C13orf42: variants seen among roughly 807,000 people sequenced by gnomAD.
C13orf42 encodes the protein uncharacterized protein C13orf42.
chr13:51,088,443 C>T lies in C13orf42; in HGVS notation c.415-368G>A, dbSNP rs1016841504. Among the ~76,000 whole-genome samples, 26 of 152,056 alleles carry T rather than the reference C, an allele frequency of 1.7e-4. 1 individual carries two copies. Among genetic ancestry groups the T allele is most frequent in the Admixed American group, 3.3e-4 (5 of 15,270 alleles). On this transcript the variant is annotated intron_variant, in intron 1 of 3. Coordinates refer to ENST00000563710, the MANE Select transcript of C13orf42 (RefSeq NM_001351589.3). Reference sequence around the variant, plus strand: ...CCTTAAGTAGGTGGTGAGACGCTCACCACAGGAAAGAGATGATAGATCTCC... The same window carrying T: ...CCTTAAGTAGGTGGTGAGACGCTCATCACAGGAAAGAGATGATAGATCTCC...
At chr13:51,144,234 C>T (rs997617970) in intron 1 of C13orf42, among the ~76,000 whole-genome samples, 1 of 152,238 alleles carries the variant, frequency 6.6e-6, no homozygotes, top group East Asian at 1.9e-4. Context: ...CTAAAATGTT[C>T]ATGAGTATCA....
intron 1 of C13orf42, among the ~76,000 whole-genome samples, chr13:51,167,070 C>G (rs1414561763): frequency 6.8e-6 from 1 of 146,916 alleles, no homozygotes; most frequent in Non-Finnish European, 1.5e-5. Flanking sequence ...CAGAGTGAGA[C>G]CCCATCTCAA....
upstream of C13orf42, among the ~76,000 whole-genome samples, chr13:51,114,576 T>C (rs117305329): frequency 7.8e-3 from 1,195 of 152,284 alleles, 6 homozygotes; most frequent in Non-Finnish European, 0.012. Flanking sequence ...GGCAGAATCT[T>C]CTTTTTTAAA....
intron 1 of C13orf42, among the ~76,000 whole-genome samples, chr13:51,131,271 C>T (rs1953614527): frequency 1.3e-5 from 2 of 152,176 alleles, no homozygotes; most frequent in African/African-American, 4.8e-5. Flanking sequence ...CTTAAGGCAA[C>T]ATAGTGCAAT....
intron 1 of C13orf42, among the ~76,000 whole-genome samples, chr13:51,097,412 A>G (rs1408154713): frequency 6.6e-6 from 1 of 152,168 alleles, no homozygotes; most frequent in Non-Finnish European, 1.5e-5. Context: ...TTATACTTTT[A>G]AAGGTCACCA....
At chr13:51,108,610 GGAGT>G (rs1471419733) in intron 1 of C13orf42, among the ~76,000 whole-genome samples, 2 of 152,226 alleles carry the variant, frequency 1.3e-5, no homozygotes. Flanking sequence ...AGTGAACGCT[GGAGT>G]AAGTACCTGG....
At chr13:51,119,827 T>C (rs3926802) in intron 1 of C13orf42, among the ~76,000 whole-genome samples, 54,986 of 151,902 alleles carry the variant, frequency 0.36, 12,071 homozygotes, top group African/African-American at 0.61. Context: ...TGGAGGCGGA[T>C]GGTGGTGGCT....
At chr13:51,154,897 A>G (rs1953813379) in intron 1 of C13orf42, among the ~76,000 whole-genome samples, 1 of 152,206 alleles carries the variant, frequency 6.6e-6, no homozygotes, top group Non-Finnish European at 1.5e-5. Context: ...GGTAGAAAGC[A>G]GGCTGTGCAT....
At chr13:51,169,298 T>C (rs559871414) in intron 1 of C13orf42, among the ~76,000 whole-genome samples, 1 of 152,226 alleles carries the variant, frequency 6.6e-6, no homozygotes, top group South Asian at 2.1e-4. Flanking sequence ...CAGATGGAGA[T>C]GAGGAATTTA....
Position 51,083,960 on chromosome 13 carries a change from T to C in C13orf42, c.*191A>G, listed in dbSNP as rs1953092303. ...CGCAGAGAAACTCAAGCTCTGAGAG[T>C]GTCCTGAGACCTGTCCCCTGGGAAG... On this transcript the variant is annotated 3_prime_UTR_variant, in exon 4 of 4. Coordinates refer to ENST00000563710, the MANE Select transcript of C13orf42 (RefSeq NM_001351589.3). The C allele has an allele frequency of 2.6e-6, 1 of 383,686 alleles. No homozygotes were observed. Among genetic ancestry groups the C allele is most frequent in the African/African-American group, 2.1e-5 (1 of 48,242 alleles). The allele number at this position is 383,686 out of a possible 1,614,324, so 23.8% of individuals were successfully genotyped here.
intron 2 of C13orf42, among the ~76,000 whole-genome samples, chr13:51,086,503 T>C (rs1175369115): frequency 6.6e-6 from 1 of 150,546 alleles, no homozygotes; most frequent in African/African-American, 2.5e-5. Flanking sequence ...AGTGTGTGTG[T>C]GAGAGAGAGA....
At chr13:51,105,873 G>C (rs190564616) in intron 1 of C13orf42, among the ~76,000 whole-genome samples, 2 of 152,164 alleles carry the variant, frequency 1.3e-5, no homozygotes, top group Non-Finnish European at 2.9e-5. Flanking sequence ...ACATGATACA[G>C]AAGCTAATTC....
At chr13:51,158,675 T>C (rs556796249) in intron 1 of C13orf42, among the ~76,000 whole-genome samples, 1 of 152,214 alleles carries the variant, frequency 6.6e-6, no homozygotes. Context: ...AGGCAGCAAC[T>C]GAACACACAA....
At chr13:51,166,409 C>A (rs1206245068) in intron 1 of C13orf42, among the ~76,000 whole-genome samples, 3 of 123,744 alleles carry the variant, frequency 2.4e-5, no homozygotes, top group Non-Finnish European at 4.8e-5. Context: ...CACATGGACA[C>A]AGGAAGGGGA....
At chr13:51,122,424 C>T (rs1303442479) in intron 1 of C13orf42, among the ~76,000 whole-genome samples, 1 of 151,670 alleles carries the variant, frequency 6.6e-6, no homozygotes, top group Non-Finnish European at 1.5e-5. Context: ...ATCCCAGCTA[C>T]TCAGGAGGCT....
intron 1 of C13orf42, among the ~76,000 whole-genome samples, chr13:51,168,501 C>T (rs1336266157): frequency 6.6e-6 from 1 of 152,150 alleles, no homozygotes; most frequent in African/African-American, 2.4e-5. Flanking sequence ...CTAAGTTGCC[C>T]CATTAAAAGG....
chr13:51,128,911 G>A lies in C13orf42; in HGVS notation n.137-15689C>T, dbSNP rs534376522. On this transcript the variant is annotated intron_variant and non_coding_transcript_variant, in intron 1 of 4. Coordinates refer to the C13orf42 transcript ENST00000433280. ...GCATTAGGTCATAGGGTAAATACTA[G>A]GGACAATAGAGGCTTCCCCAGTTAA... Among the ~76,000 whole-genome samples, 32 of 152,220 alleles carry A rather than the reference G, an allele frequency of 2.1e-4. No homozygotes were observed. In the South Asian group the frequency reaches 6.6e-3, roughly 32 times the overall value.
At chr13:51,167,027 C>T (rs919477900) in intron 1 of C13orf42, among the ~76,000 whole-genome samples, 3 of 151,422 alleles carry the variant, frequency 2.0e-5, no homozygotes, top group Non-Finnish European at 2.9e-5. Flanking sequence ...TGCAGTGAGC[C>T]GAGATCGTGC....
At chr13:51,092,374 T>C (rs1258412867) in intron 1 of C13orf42, among the ~76,000 whole-genome samples, 1 of 152,250 alleles carries the variant, frequency 6.6e-6, no homozygotes, top group Non-Finnish European at 1.5e-5. Flanking sequence ...TTTATTCATT[T>C]GAATTATTCA....
Sources: gnomAD v4.1 joint callset for allele counts (sites outside exome capture counted in the v4.1 genomes callset) on GRCh38, gnomAD v4.1.1 for gene constraint, MANE v1.5 for transcripts, NCBI Gene and HGNC (gene_info 2026-07-23, HGNC 2026-07-21) for gene names.